The following SLC6A12 variants were observed in gnomAD, a reference collection of about 807,000 sequenced individuals.
The protein encoded by SLC6A12 is sodium- and chloride-dependent betaine transporter.
A neutral mutation model predicts 73.3 loss-of-function variants in SLC6A12; 50 were observed. The observed-to-expected ratio is 0.68, with a 90% CI of 0.54 to 0.86. The LOEUF (loss-of-function observed/expected upper bound fraction) is 0.86, where lower values mean the gene tolerates loss of function less well. Among genes scored for constraint, SLC6A12 ranks in the 40% least tolerant of loss-of-function variants. SLC6A12 has a pLI of 0.00. For missense variants in SLC6A12, 648 were observed against 772.8 expected, an observed-to-expected ratio of 0.84 and a Z score of 1.92; for synonymous variants, 304 against 309.2, an observed-to-expected ratio of 0.98 and a Z score of 0.18.
At chr12:204,869 C>T (rs1329515694) in intron 3 of SLC6A12, 171 bp from the exon 4 acceptor site, 5 of 662,860 alleles carry the variant, frequency 7.5e-6, no homozygotes, top group Non-Finnish European at 1.3e-5. Context: ...GAGTGTTAGG[C>T]AGGCACAGGT....
At chr12:205,593 G>T (rs1043417855) in intron 3 of SLC6A12, among the ~76,000 whole-genome samples, 2 of 152,212 alleles carry the variant, frequency 1.3e-5, no homozygotes, top group African/African-American at 4.8e-5. Context: ...GTCTAGTCCT[G>T]AGGCTGAGCT....
rs1455983361 is a variant in SLC6A12, at chr12:197,324, G to A, written c.1075+53C>T. 24 of 1,562,296 alleles carry A rather than the reference G, an allele frequency of 1.5e-5. 1 individual carries two copies. The Admixed American group carries it at 1.9e-4, about 12-fold the overall frequency. ...TCATGCCTTTCAGCAAGAGAGAAGTGTGTTCTCTGACTCTCCTTCCCCTCA... is the reference window on the plus strand; with the variant it reads ...TCATGCCTTTCAGCAAGAGAGAAGTATGTTCTCTGACTCTCCTTCCCCTCA... On this transcript the variant is annotated intron_variant, in intron 10 of 15. Transcript: ENST00000684302.
At chr12:185,911 A>G (rs1939421939), downstream of SLC6A12, among the ~76,000 whole-genome samples, 1 of 152,218 alleles carries the variant, frequency 6.6e-6, no homozygotes, top group Non-Finnish European at 1.5e-5. Flanking sequence ...ATGGGTGGTT[A>G]ACAAGCTTCT....
intron 11 of SLC6A12, 146 bp downstream of exon 11, chr12:196,624 C>T (rs1227504150): frequency 1.6e-5 from 11 of 669,552 alleles, no homozygotes; most frequent in South Asian, 7.2e-5. Flanking sequence ...GGCCACACCC[C>T]CAACCCCAAG....
At chr12:184,739 G>A in the SLC6A12 span, among the ~76,000 whole-genome samples, 1 of 150,534 alleles carries the variant, frequency 6.6e-6, no homozygotes, top group Admixed American at 6.7e-5. Flanking sequence ...GACAGAGCAA[G>A]ACTCCGTCTC....
chr12:187,589 CAAAAAAAAAAAAA>C (rs761187495), downstream of SLC6A12, among the ~76,000 whole-genome samples: 22 of 106,050 alleles, frequency 2.1e-4, no homozygotes, highest in East Asian at 1.8e-3. Context: ...TGCAAAAGAG[CAAAAAAAAAAAAA>C]AAAAAAAAAA....
At chr12:187,636 C>CCACA, downstream of SLC6A12, among the ~76,000 whole-genome samples, 1 of 59,028 alleles carries the variant, frequency 1.7e-5, no homozygotes, top group Non-Finnish European at 3.4e-5. Flanking sequence ...AAAAAACAAA[C>CCACA]CACACACACA....
At position 191,121 on chromosome 12, in the gene SLC6A12, G is replaced by C. The variant is rs629311; in HGVS notation, c.1792C>G (p.Pro598Ala). ...LDGSAGRNFGPSPTREGLIAG... is the reference protein window; with the variant it reads ...LDGSAGRNFGASPTREGLIAG... ...ATCAGTCCTTCCCTTGTTGGGGAGG[G>C]CCCAAAGTTCCGGCCAGCACTGCCA... The change falls in exon 16 of 16, where the codon CCC becomes GCC. Residue 598 changes from proline (P) to alanine (A), a missense_variant. By Grantham distance (27) the Pro-to-Ala change is conservative. Coordinates refer to ENST00000684302, the MANE Select transcript of SLC6A12 (RefSeq NM_001122848.3). 7.4e-7 allele frequency: 1 copy of C among 1,355,884 alleles called. No homozygotes were observed. The highest frequency in any genetic ancestry group is 9.6e-7 in the Non-Finnish European group (1 of 1,040,476). The allele number at this position is 1,355,884 out of a possible 1,614,324, so 84.0% of individuals were successfully genotyped here.
intron 10 of SLC6A12, among the ~76,000 whole-genome samples, chr12:197,116 T>C (rs1591785647): frequency 4.4e-3 from 332 of 75,948 alleles, no homozygotes; most frequent in African/African-American, 0.016. Context: ...CATCCATCCA[T>C]CCATCCATCC....
chr12:197,600 G>A, intron 9 of SLC6A12, 99 bp from the exon 10 acceptor site: 1 of 1,291,534 alleles, frequency 7.7e-7, no homozygotes, highest in Admixed American at 2.6e-5. Flanking sequence ...AGTGAGAGGG[G>A]ACCAAGGAGA....
In SLC6A12 at chr12:197,888, C is replaced by CCCG; in HGVS notation, c.950+11_950+12insCGG. 6.3e-7 allele frequency: 1 copy of CCCG among 1,574,994 alleles called. No homozygotes were observed. The highest frequency in any genetic ancestry group is 8.7e-7 in the Non-Finnish European group (1 of 1,145,550). ...CCCTCCTTCACCCCACCCCGGCCCA[C>CCCG]GCTGTTCTCACTTGTAGCAGTTGTT... On this transcript the variant is annotated intron_variant, in intron 9 of 15. Transcript: ENST00000684302.
rs766613309 is a variant in SLC6A12 at position 209,972 on chromosome 12, C to T, written c.15G>A (p.Val5=). The change falls in exon 3 of 16, where the codon GTG becomes GTA. Residue 5 remains valine, a synonymous_variant. Coordinates refer to ENST00000684302, the MANE Select transcript of SLC6A12 (RefSeq NM_001122848.3). MDGK[V]AVQECGPPAV... ...CAGGAGGCCCACACTCTTGCACTGC[C>T]ACCTTCCCGTCCATGGCTGTGTGGT... 3 of 1,614,176 alleles carry T rather than the reference C, an allele frequency of 1.9e-6. No individual in the cohort carries two copies. In the East Asian group the frequency reaches 6.7e-5, roughly 36 times the overall value.
At chr12:207,382 C>T (rs967240548) in intron 3 of SLC6A12, among the ~76,000 whole-genome samples, 5 of 152,222 alleles carry the variant, frequency 3.3e-5, no homozygotes, top group Non-Finnish European at 5.9e-5. Flanking sequence ...ACTCACAACC[C>T]GGATAATGGG....
chr12:189,846 G>C (rs970044980), downstream of SLC6A12, among the ~76,000 whole-genome samples: 1 of 152,042 alleles, frequency 6.6e-6, no homozygotes, highest in African/African-American at 2.4e-5. Flanking sequence ...CGCCCCCTGG[G>C]ACACTCTCAC....
chr12:212,813 C>T (rs1285481846), intron 1 of SLC6A12, among the ~76,000 whole-genome samples: 4 of 152,184 alleles, frequency 2.6e-5, no homozygotes, highest in African/African-American at 9.7e-5. Context: ...TGCCCTTCCA[C>T]CTCCAGCTTC....
At chr12:204,767 C>T in intron 3 of SLC6A12, 69 bp from the exon 4 acceptor site, 1 of 1,570,284 alleles carries the variant, frequency 6.4e-7, no homozygotes, top group South Asian at 1.1e-5. Context: ...CTTTCAGACC[C>T]TCCTCCCCCA....
At position 204,694 on chromosome 12, in the gene SLC6A12, G is replaced by A. The variant is rs533273638; in HGVS notation, c.219C>T (p.Ala73=). The A allele has an allele frequency of 1.2e-6, 2 of 1,613,898 alleles. No homozygotes were observed. Among genetic ancestry groups the A allele is most frequent in the Non-Finnish European group, 1.7e-6 (2 of 1,180,026 alleles). The change falls in exon 4 of 16, where the codon GCC becomes GCT. Residue 73 remains alanine, a synonymous_variant. Transcript: ENST00000684302. ...AGAAGATGAAGTAGGGGATGAAGAAGGCTCCTGCAGAAGAGAGAGAGGCAG... is the reference window on the plus strand; with the variant it reads ...AGAAGATGAAGTAGGGGATGAAGAAAGCTCCTGCAGAAGAGAGAGAGGCAG... ...PYLCYKNGGG[A]FFIPYFIFFF... is the part of the protein sequence containing the mutation.
intron 6 of SLC6A12, 62 bp from the exon 7 acceptor site, chr12:200,845 C>A: frequency 6.5e-7 from 1 of 1,542,588 alleles, no homozygotes. Context: ...TTGCGTCTGT[C>A]AGCAAGTCTC....
downstream of SLC6A12, among the ~76,000 whole-genome samples, chr12:188,859 C>A (rs78127810): frequency 0.037 from 5,571 of 152,246 alleles, 117 homozygotes; most frequent in African/African-American, 0.054. Context: ...CCCGCACCCC[C>A]CTCCCCGTTC....
Sources: allele counts gnomAD v4.1 joint callset (sites outside exome capture counted in the v4.1 genomes callset), GRCh38; gene constraint gnomAD v4.1.1; transcripts MANE v1.5; gene names NCBI Gene and HGNC (gene_info 2026-07-23, HGNC 2026-07-21).